MCCC1: variants seen among roughly 807,000 people sequenced by gnomAD.
MCCC1 encodes the protein methylcrotonyl-CoA carboxylase subunit 1, also known as methylcrotonoyl-CoA carboxylase subunit alpha, mitochondrial.
Under a neutral mutation model 83.8 loss-of-function variants are expected in MCCC1, and 64 were observed. That is an observed-to-expected ratio of 0.76 (90% CI 0.62 to 0.94). The LOEUF (loss-of-function observed/expected upper bound fraction) is 0.94, where lower values mean the gene tolerates loss of function less well. MCCC1 is among the 40% of genes least tolerant of loss of function. The pLI is 0.00. For synonymous variants in MCCC1, 322 were observed against 315.4 expected (o/e 1.02, Z -0.22); for missense variants, 807 against 904.7 (o/e 0.89, Z 1.39).
At chr3:183,081,554 G>C (rs115819095) in intron 4 of MCCC1, among the ~76,000 whole-genome samples, 9 of 152,120 alleles carry the variant, frequency 5.9e-5, no homozygotes, top group African/African-American at 2.2e-4. Context: ...ATGGTGAAGC[G>C]GACAAGTCAT....
chr3:183,017,480 A>AAACAATAAAACAATAAAACAATAAAAC (rs1711745880), intron 17 of MCCC1, 143 bp from the exon 18 acceptor site: 1 of 765,416 alleles, frequency 1.3e-6, no homozygotes, highest in South Asian at 1.6e-5. Flanking sequence ...AATAAAACAT[A>AAACAATAAAACAATAAAACAATAAAAC]AATAAAAAGA....
intron 8 of MCCC1, among the ~76,000 whole-genome samples, chr3:183,053,295 A>G (rs1488744176): frequency 2.0e-5 from 3 of 151,948 alleles, no homozygotes; most frequent in African/African-American, 7.3e-5. Context: ...GAATCAAACC[A>G]TGGAGCAACA....
chr3:183,030,798 A>G (rs1713001868), intron 14 of MCCC1, among the ~76,000 whole-genome samples: 1 of 152,120 alleles, frequency 6.6e-6, no homozygotes, highest in South Asian at 2.1e-4. Flanking sequence ...TGGCATATCT[A>G]TTTTATCAAA....
Position 183,060,773 on chromosome 3 carries a change from G to A in MCCC1, c.762-3351C>T, listed in dbSNP as rs374094865. 8.2e-4 allele frequency among the ~76,000 whole-genome samples: 125 copies of A among 152,056 alleles called. No homozygotes were observed. In the Middle Eastern group the frequency reaches 0.017, roughly 21 times the overall value. ...CGGTGTGTGATGTTCCCCTTCCTGT[G>A]TCCAAGTGTTCTCATTGTTCAATTC... On this transcript the variant is annotated intron_variant, in intron 7 of 18. Coordinates refer to ENST00000265594, the MANE Select transcript of MCCC1 (RefSeq NM_020166.5).
chr3:183,057,876 C>T (rs1249388679), intron 7 of MCCC1, among the ~76,000 whole-genome samples: 1 of 152,010 alleles, frequency 6.6e-6, no homozygotes, highest in Non-Finnish European at 1.5e-5. Flanking sequence ...CCTGTCAAAA[C>T]AAAGAAACTA....
chr3:183,083,479 C>A (rs1440663589), intron 4 of MCCC1, among the ~76,000 whole-genome samples: 1 of 152,146 alleles, frequency 6.6e-6, no homozygotes, highest in Non-Finnish European at 1.5e-5. Context: ...AATATCCAGG[C>A]AAAATGATTA....
chr3:183,056,133 G>A (rs1395808537), intron 8 of MCCC1, among the ~76,000 whole-genome samples: 3 of 151,918 alleles, frequency 2.0e-5, no homozygotes, highest in Admixed American at 1.3e-4. Flanking sequence ...AAGTAATCAC[G>A]ACTTGAAAAT....
intron 4 of MCCC1, among the ~76,000 whole-genome samples, chr3:183,081,612 G>A (rs1413307699): frequency 6.6e-6 from 1 of 152,172 alleles, no homozygotes; most frequent in East Asian, 1.9e-4. Flanking sequence ...GATGTGCTTT[G>A]GTCAAGGAAT....
intron 15 of MCCC1, among the ~76,000 whole-genome samples, chr3:183,024,558 C>G (rs573203081): frequency 1.3e-5 from 2 of 151,192 alleles, no homozygotes; most frequent in East Asian, 3.9e-4. Context: ...TATGGAAATG[C>G]AAGTCAAAGT....
chr3:183,060,071 G>C (rs1002908922), intron 7 of MCCC1, among the ~76,000 whole-genome samples: 1 of 152,018 alleles, frequency 6.6e-6, no homozygotes, highest in Non-Finnish European at 1.5e-5. Context: ...TATCTCTCCT[G>C]CTGCTTTCTA....
chr3:183,086,912 C>T, intron 3 of MCCC1, 124 bp from the exon 4 acceptor site: 1 of 846,340 alleles, frequency 1.2e-6, no homozygotes, highest in Non-Finnish European at 1.9e-6. Context: ...AAGAACAGTG[C>T]AAGAATTGAA....
chr3:183,040,082 G>A (rs970962793), intron 11 of MCCC1, among the ~76,000 whole-genome samples: 4 of 105,718 alleles, frequency 3.8e-5, no homozygotes, highest in African/African-American at 1.5e-4. Context: ...GGCAACAAGA[G>A]TGAAACTCCA....
At chr3:183,091,240 G>GTCACC (rs1220331394) in intron 3 of MCCC1, among the ~76,000 whole-genome samples, 2 of 152,166 alleles carry the variant, frequency 1.3e-5, no homozygotes, top group Non-Finnish European at 2.9e-5. Flanking sequence ...AACAGTGGGA[G>GTCACC]TCACCTATGC....
intron 9 of MCCC1, among the ~76,000 whole-genome samples, chr3:183,047,053 G>C (rs1002651734): frequency 2.0e-5 from 3 of 152,184 alleles, no homozygotes; most frequent in African/African-American, 7.2e-5. Context: ...GTGAATATCA[G>C]AGAAAAATCC....
Position 183,064,708 on chromosome 3 carries a change from G to A in MCCC1, c.761+6291C>T, listed in dbSNP as rs1212046298. ...GTCCTGGCATGGCTGCTGGGCCCAC[G>A]GCAGGCTGTTCGCGGGCAGCCGGCT... On this transcript the variant is annotated intron_variant, in intron 7 of 18. Coordinates refer to ENST00000265594, the MANE Select transcript of MCCC1 (RefSeq NM_020166.5). This position sits in a 1 kb window ranked among gnomAD's most constrained non-coding sequence, Gnocchi z 4.5. Among the ~76,000 whole-genome samples, 4 of 152,344 alleles carry A rather than the reference G, an allele frequency of 2.6e-5. No individual in the cohort carries two copies. The highest frequency in any genetic ancestry group is 9.6e-5 in the African/African-American group (4 of 41,588).
At chr3:183,055,120 C>T (rs1715308894) in intron 8 of MCCC1, among the ~76,000 whole-genome samples, 1 of 151,960 alleles carries the variant, frequency 6.6e-6, no homozygotes, top group African/African-American at 2.4e-5. Flanking sequence ...GGATAAAAAG[C>T]TGGCCGGGTG....
intron 1 of MCCC1, 87 bp from the exon 2 acceptor site, chr3:183,094,692 T>C: frequency 1.4e-6 from 2 of 1,391,026 alleles, no homozygotes; most frequent in East Asian, 2.3e-5. Flanking sequence ...TCTTAAAACA[T>C]GAAACCTTAA....
chr3:183,073,204 T>C (rs1245866063), intron 4 of MCCC1, among the ~76,000 whole-genome samples: 1 of 152,178 alleles, frequency 6.6e-6, no homozygotes, highest in East Asian at 1.9e-4. Context: ...AAAGTGGAAT[T>C]GCTGGATCAT....
chr3:183,104,807 TAGTG>T (rs1245552695), intron 1 of MCCC1, among the ~76,000 whole-genome samples: 7 of 152,188 alleles, frequency 4.6e-5, no homozygotes, highest in South Asian at 2.1e-4. Context: ...ACACTGTAAT[TAGTG>T]AGGGGTGTGG....
Sources: allele counts gnomAD v4.1 joint callset (sites outside exome capture counted in the v4.1 genomes callset), GRCh38; gene constraint gnomAD v4.1.1; non-coding constraint Gnocchi (gnomAD v3.1); transcripts MANE v1.5; gene names NCBI Gene and HGNC (gene_info 2026-07-23, HGNC 2026-07-21).